NCAM2: variants seen among roughly 807,000 people sequenced by gnomAD.
NCAM2 encodes the protein N-CAM-2.
Under a neutral mutation model 98.1 loss-of-function variants are expected in NCAM2, and 30 were observed. The observed-to-expected ratio is 0.31, with a 90% CI of 0.23 to 0.41. The LOEUF is 0.41. Among genes scored for constraint, NCAM2 ranks in the 10% least tolerant of loss-of-function variants. The pLI is 1.00. For synonymous variants in NCAM2, 368 were observed against 342.4 expected, an observed-to-expected ratio of 1.07 and a Z score of -0.83; for missense variants, 867 against 1,005.8, an observed-to-expected ratio of 0.86 and a Z score of 1.87.
Position 20,998,438 on chromosome 21 carries a change from G to A in NCAM2, c.-126G>A, listed in dbSNP as rs1019876384. On this transcript the variant is annotated 5_prime_UTR_variant, in exon 1 of 18. Coordinates refer to ENST00000400546, the MANE Select transcript of NCAM2 (RefSeq NM_004540.5). ...TGCGAGGAGGAGCGCGCGGGCTGCG[G>A]GCGGCTGGGGCACCGCGGGAGCGGC... The A allele has an allele frequency of 1.5e-5, 12 of 809,890 alleles. No individual in the cohort carries two copies. The African/African-American group carries it at 1.9e-4, about 13-fold the overall frequency. The allele number at this position is 809,890 out of a possible 1,614,324, so 50.2% of individuals were successfully genotyped here.
chr21:21,280,497 ATG>A, intron 1 of NCAM2, 79 bp from the exon 2 acceptor site: 1 of 927,672 alleles, frequency 1.1e-6, no homozygotes, highest in Non-Finnish European at 1.6e-6. Context: ...CGTTTGGACC[ATG>A]TGGTTTAGAC....
In NCAM2 at chr21:21,533,958, G is replaced by A. The variant is rs549782911; in HGVS notation, c.2283-579G>A. On this transcript the variant is annotated intron_variant, in intron 16 of 17. Coordinates refer to ENST00000400546, the MANE Select transcript of NCAM2 (RefSeq NM_004540.5). ...TATTTAAACTATTTTCTTGAAAAAC[G>A]TGAATAAGTTAGAAGTCCATAATCA... Among the ~76,000 whole-genome samples, 7 of 151,966 alleles carry A rather than the reference G, an allele frequency of 4.6e-5. No individual in the cohort carries two copies. In the South Asian group the frequency reaches 6.2e-4, roughly 14 times the overall value.
At chr21:21,369,843 A>C (rs1378386349) in intron 8 of NCAM2, among the ~76,000 whole-genome samples, 1 of 151,574 alleles carries the variant, frequency 6.6e-6, no homozygotes, top group African/African-American at 2.4e-5. Context: ...AGCCCCTTTA[A>C]ACTCTTTCAA....
intron 1 of NCAM2, among the ~76,000 whole-genome samples, chr21:21,204,614 T>G (rs563289047): frequency 1.9e-4 from 29 of 152,156 alleles, no homozygotes; most frequent in Non-Finnish European, 4.0e-4. Flanking sequence ...ACATTCAGAT[T>G]AACACAGATC....
chr21:21,183,281 C>A (rs1463407425), intron 1 of NCAM2, among the ~76,000 whole-genome samples: 2 of 152,054 alleles, frequency 1.3e-5, no homozygotes, highest in African/African-American at 4.8e-5. Context: ...CATTATGAGG[C>A]CAGAATTAAA....
At chr21:21,202,830 T>C (rs1225095912) in intron 1 of NCAM2, among the ~76,000 whole-genome samples, 1 of 152,246 alleles carries the variant, frequency 6.6e-6, no homozygotes, top group Non-Finnish European at 1.5e-5. Flanking sequence ...AACTCTTAAA[T>C]ATTTATAAGT....
intron 1 of NCAM2, among the ~76,000 whole-genome samples, chr21:21,184,915 T>C (rs1044924165): frequency 6.6e-6 from 1 of 152,090 alleles, no homozygotes; most frequent in Non-Finnish European, 1.5e-5. Context: ...AGTTTATGAC[T>C]TGGAGTGGGA....
chr21:21,374,042 A>G, intron 9 of NCAM2, 29 bp downstream of exon 9: 3 of 1,589,586 alleles, frequency 1.9e-6, no homozygotes, highest in South Asian at 1.1e-5. Flanking sequence ...TATTTTCATT[A>G]AAATAACTTT....
chr21:21,342,100 C>T (rs999835974), intron 8 of NCAM2, among the ~76,000 whole-genome samples: 1 of 152,138 alleles, frequency 6.6e-6, no homozygotes, highest in African/African-American at 2.4e-5. Context: ...GAAGACCTTC[C>T]TCCCCATGGA....
At chr21:21,478,452 T>G (rs1313363333) in intron 15 of NCAM2, among the ~76,000 whole-genome samples, 1 of 152,004 alleles carries the variant, frequency 6.6e-6, no homozygotes, top group Non-Finnish European at 1.5e-5. Context: ...GTCATGTCAT[T>G]AAACCCTCTT....
chr21:21,253,376 T>A (rs1046304413), intron 1 of NCAM2, among the ~76,000 whole-genome samples: 1 of 152,172 alleles, frequency 6.6e-6, no homozygotes, highest in African/African-American at 2.4e-5. Flanking sequence ...ATTCATGTGC[T>A]GAAACTTTAT....
chr21:21,388,330 A>G (rs2076312566), intron 9 of NCAM2, among the ~76,000 whole-genome samples: 1 of 152,194 alleles, frequency 6.6e-6, no homozygotes, highest in African/African-American at 2.4e-5. Context: ...CTTGTGGGTG[A>G]AATTTTAGGT....
intron 14 of NCAM2, among the ~76,000 whole-genome samples, chr21:21,473,857 A>G (rs528394934): frequency 1.3e-5 from 2 of 150,314 alleles, no homozygotes; most frequent in Non-Finnish European, 3.0e-5. Context: ...CAGAATCACT[A>G]TTAAGAAGTA....
chr21:21,180,744 A>C (rs1018656098), intron 1 of NCAM2, among the ~76,000 whole-genome samples: 5 of 152,160 alleles, frequency 3.3e-5, no homozygotes, highest in Admixed American at 3.3e-4. Context: ...TTTATGATAA[A>C]GCACTCTAAA....
Position 21,280,605 on chromosome 21 carries a change from G to A in NCAM2, c.83G>A (p.Ser28Asn), listed in dbSNP as rs373572347. Residue 28 changes from serine to asparagine, a missense_variant, in exon 2 of 18, where the codon AGC becomes AAC. This residue lies in a region of NCAM2 where 447 missense variants were observed against 495.7 expected (regional missense o/e 0.90). Transcript: ENST00000400546. ...QALLQVTISL[S>N]KVELSVGESK... ...CTTCTTCAAGTGACAATTTCACTTA[G>A]CAAAGTAGAGCTTAGTGTTGGAGAA... is the stretch of plus-strand genomic sequence containing the variant. The A allele has an allele frequency of 1.4e-5, 23 of 1,599,976 alleles. No homozygotes were observed. In the African/African-American group the frequency reaches 2.7e-4, roughly 19 times the overall value.
At chr21:21,436,813 G>C (rs114171195) in intron 12 of NCAM2, among the ~76,000 whole-genome samples, 4 of 150,770 alleles carry the variant, frequency 2.7e-5, no homozygotes, top group Non-Finnish European at 5.9e-5. Flanking sequence ...CCAGGCTAGA[G>C]GACAGTGGCG....
intron 4 of NCAM2, among the ~76,000 whole-genome samples, chr21:21,291,239 G>T (rs532566640): frequency 1.1e-4 from 16 of 151,954 alleles, no homozygotes; most frequent in Non-Finnish European, 1.8e-4. Flanking sequence ...GGAAATTTTA[G>T]ATATTGCCTG....
At chr21:21,292,816 C>G (rs1227689957) in intron 5 of NCAM2, among the ~76,000 whole-genome samples, 5 of 151,814 alleles carry the variant, frequency 3.3e-5, no homozygotes, top group African/African-American at 1.2e-4. Flanking sequence ...CCCATTTTCA[C>G]ACTGCTATAA....
chr21:21,355,219 A>C (rs1166753956), intron 8 of NCAM2, among the ~76,000 whole-genome samples: 1 of 152,036 alleles, frequency 6.6e-6, no homozygotes, highest in Non-Finnish European at 1.5e-5. Context: ...GGATCGCATG[A>C]GGCCAGGAGT....
Sources: gnomAD v4.1 joint callset for allele counts (sites outside exome capture counted in the v4.1 genomes callset) on GRCh38, gnomAD v4.1.1 for gene constraint, gnomAD v4.1.1 regional missense constraint, MANE v1.5 for transcripts, NCBI Gene and HGNC (gene_info 2026-07-23, HGNC 2026-07-21) for gene names.